The following FHIT variants were observed in gnomAD, a reference collection of about 807,000 sequenced individuals.
The protein encoded by FHIT is bis(5'-adenosyl)-triphosphatase.
A neutral mutation model predicts 17.9 loss-of-function variants in FHIT; 19 were observed. That is an observed-to-expected ratio of 1.06 (90% CI 0.74 to 1.56). FHIT has a LOEUF of 1.56. FHIT is among the 40% of genes most tolerant of loss of function. The pLI, the probability that FHIT is intolerant of heterozygous loss-of-function variation, is 0.00. For missense variants in FHIT, 248 were observed against 189.2 expected (o/e 1.31, Z -1.82); for synonymous variants, 81 against 69.7 (o/e 1.16, Z -0.81).
chr3:61,127,984 G>A (rs1159340960), intron 2 of FHIT, among the ~76,000 whole-genome samples: 4 of 152,252 alleles, frequency 2.6e-5, no homozygotes, highest in East Asian at 1.9e-4. Context: ...TTGTTAAAAC[G>A]AAAGTATTAA....
intron 8 of FHIT, among the ~76,000 whole-genome samples, chr3:59,763,938 A>G (rs1701660725): frequency 6.6e-6 from 1 of 152,214 alleles, no homozygotes; most frequent in Non-Finnish European, 1.5e-5. Context: ...TGATTCTTTC[A>G]GTCACATCAC....
chr3:59,885,129 C>T (rs190924348), intron 8 of FHIT, among the ~76,000 whole-genome samples: 325 of 152,230 alleles, frequency 2.1e-3, no homozygotes, highest in African/African-American at 6.2e-3. Context: ...ACCCTTATGG[C>T]GCAAAAGAAA....
At chr3:60,774,226 C>T (rs1002948826) in intron 4 of FHIT, among the ~76,000 whole-genome samples, 2 of 152,122 alleles carry the variant, frequency 1.3e-5, no homozygotes, top group Admixed American at 6.5e-5. Flanking sequence ...CCAGTGGATG[C>T]CTGAAATCCT....
At chr3:61,057,297 T>C (rs959345308) in intron 2 of FHIT, among the ~76,000 whole-genome samples, 3 of 152,244 alleles carry the variant, frequency 2.0e-5, no homozygotes, top group African/African-American at 7.2e-5. Flanking sequence ...TGTATTTTCA[T>C]GTGGTTCAAT....
chr3:59,939,206 G>C (rs1012926152), intron 7 of FHIT, among the ~76,000 whole-genome samples: 1 of 152,088 alleles, frequency 6.6e-6, no homozygotes, highest in African/African-American at 2.4e-5. Context: ...TCTTTTTCTG[G>C]GTGATATCAG....
chr3:61,195,244 A>G (rs2038822887), intron 2 of FHIT, among the ~76,000 whole-genome samples: 1 of 152,078 alleles, frequency 6.6e-6, no homozygotes, highest in Admixed American at 6.6e-5. Context: ...GTCTACTTCT[A>G]TGGGACATAA....
At chr3:60,347,367 G>A (rs974242231) in intron 5 of FHIT, among the ~76,000 whole-genome samples, 2 of 152,074 alleles carry the variant, frequency 1.3e-5, no homozygotes, top group African/African-American at 2.4e-5. Flanking sequence ...CAGACAGTAA[G>A]TTGTCTGCAA....
chr3:60,730,370 C>A lies in FHIT; in HGVS notation c.-18+91549G>T. ...TTTGGAGTCATGGTGGACACTCGGT[C>A]ACTAAAACAAAATGTATTTGTTCCA... On this transcript the variant is annotated intron_variant, in intron 4 of 9. Coordinates refer to ENST00000492590, the MANE Select transcript of FHIT (RefSeq NM_002012.4). 1.2e-5 allele frequency: 3 copies of A among 245,746 alleles called. No individual in the cohort carries two copies. In the South Asian group the frequency reaches 2.0e-4, roughly 17 times the overall value. 15.2% of individuals were successfully genotyped at this position (245,746 alleles called of 1,614,324 possible). A position where few individuals can be genotyped will look rare whatever the true frequency, so the allele number is the denominator to read the frequency against.
chr3:61,247,789 T>C (rs991331324), intron 1 of FHIT, among the ~76,000 whole-genome samples: 1 of 152,242 alleles, frequency 6.6e-6, no homozygotes, highest in Non-Finnish European at 1.5e-5. Context: ...AGAGCTATTA[T>C]ATTTATCTAT....
At chr3:59,991,150 G>A (rs1709214569) in intron 7 of FHIT, among the ~76,000 whole-genome samples, 1 of 152,044 alleles carries the variant, frequency 6.6e-6, no homozygotes, top group African/African-American at 2.4e-5. Context: ...GGCCATGTGT[G>A]ACAGTGGGTG....
intron 1 of FHIT, chr3:61,244,163 A>G (rs1314603458): frequency 6.6e-6 from 1 of 152,182 alleles, no homozygotes; most frequent in Non-Finnish European, 1.5e-5. Context: ...GGGAAATGTA[A>G]AAAATAAACA....
chr3:60,727,376 T>C (rs1553709856), intron 4 of FHIT, among the ~76,000 whole-genome samples: 1 of 152,110 alleles, frequency 6.6e-6, no homozygotes, highest in East Asian at 1.9e-4. Flanking sequence ...ATATTTTAAC[T>C]GAGATAAACA....
chr3:60,637,029 C>G (rs953108830), intron 4 of FHIT, among the ~76,000 whole-genome samples: 9 of 152,108 alleles, frequency 5.9e-5, no homozygotes, highest in African/African-American at 2.2e-4. Context: ...CAGCTGCTGT[C>G]TGGGAATCCT....
chr3:61,053,297 T>TA (rs537555498), intron 2 of FHIT, among the ~76,000 whole-genome samples: 63 of 151,864 alleles, frequency 4.1e-4, no homozygotes, highest in Middle Eastern at 3.4e-3. Flanking sequence ...TTCACATACA[T>TA]AAAAAAAATG....
chr3:60,504,327 G>C (rs533663728), intron 5 of FHIT, among the ~76,000 whole-genome samples: 1 of 151,900 alleles, frequency 6.6e-6, no homozygotes, highest in South Asian at 2.1e-4. Flanking sequence ...CCAGCTACTC[G>C]GGAGGCTGAG....
At chr3:60,770,902 A>G (rs191246755) in intron 4 of FHIT, among the ~76,000 whole-genome samples, 34 of 152,352 alleles carry the variant, frequency 2.2e-4, no homozygotes, top group Admixed American at 2.0e-3. Flanking sequence ...TATTGTTTGC[A>G]ACTAATGCTC....
At chr3:60,070,004 G>A (rs1702695037) in intron 5 of FHIT, among the ~76,000 whole-genome samples, 1 of 152,110 alleles carries the variant, frequency 6.6e-6, no homozygotes. Context: ...CCTCTTCCAG[G>A]TGGCATTCCA....
intron 7 of FHIT, among the ~76,000 whole-genome samples, chr3:59,938,073 T>C (rs1249789928): frequency 6.6e-6 from 1 of 152,164 alleles, no homozygotes; most frequent in Non-Finnish European, 1.5e-5. Flanking sequence ...ACCTTTGAAA[T>C]CACCATCTTG....
intron 5 of FHIT, among the ~76,000 whole-genome samples, chr3:60,230,348 G>A (rs1203202169): frequency 1.3e-5 from 2 of 152,008 alleles, no homozygotes; most frequent in East Asian, 1.9e-4. Flanking sequence ...AAAGAGATTT[G>A]GTATCCAAGT....
Sources: allele counts gnomAD v4.1 joint callset (sites outside exome capture counted in the v4.1 genomes callset), GRCh38; gene constraint gnomAD v4.1.1; transcripts MANE v1.5; gene names NCBI Gene and HGNC (gene_info 2026-07-23, HGNC 2026-07-21).